Variants in PCDH15 observed in about 807,000 individuals in gnomAD.
PCDH15 encodes protocadherin related 15.
In PCDH15, 129 loss-of-function variants were observed where a neutral mutation model predicts 178.5. That is an observed-to-expected ratio of 0.72 (90% CI 0.63 to 0.84). PCDH15 has a LOEUF of 0.84. PCDH15 is among the 40% of genes least tolerant of loss of function. The probability of loss-of-function intolerance (pLI) is 0.00; values close to 1 mark genes in which losing one functional copy is unlikely to be tolerated. For synonymous variants in PCDH15, 800 were observed against 732.0 expected (o/e 1.09, Z -1.50); for missense variants, 2,230 against 2,099.9 (o/e 1.06, Z -1.21).
chr10:55,621,421 G>A (rs184511223), intron 2 of PCDH15, among the ~76,000 whole-genome samples: 7 of 152,288 alleles, frequency 4.6e-5, no homozygotes, highest in African/African-American at 1.7e-4. Context: ...CCACCCCAGG[G>A]GCTGCAGACC....
chr10:55,011,510 T>G (rs1331383063), intron 2 of PCDH15, among the ~76,000 whole-genome samples: 1 of 152,136 alleles, frequency 6.6e-6, no homozygotes, highest in African/African-American at 2.4e-5. Context: ...CAATCCCTGA[T>G]ACACAGATTT....
intron 3 of PCDH15, among the ~76,000 whole-genome samples, chr10:54,812,353 C>T (rs1265404802): frequency 6.6e-6 from 1 of 151,588 alleles, no homozygotes; most frequent in Non-Finnish European, 1.5e-5. Flanking sequence ...TCATTGCAAC[C>T]TCTGCCTCCT....
chr10:53,952,371 G>C (rs372929950), intron 23 of PCDH15, among the ~76,000 whole-genome samples: 2 of 152,166 alleles, frequency 1.3e-5, no homozygotes, highest in African/African-American at 4.8e-5. Context: ...ATGCAGGCAG[G>C]CTGTCCCGAT....
chr10:54,021,097 T>C (rs2092907113), intron 19 of PCDH15, among the ~76,000 whole-genome samples: 1 of 151,876 alleles, frequency 6.6e-6, no homozygotes, highest in African/African-American at 2.4e-5. Flanking sequence ...AAGACACAAA[T>C]ACTAAAATAG....
chr10:54,352,035 G>A (rs1207214538), intron 5 of PCDH15, among the ~76,000 whole-genome samples: 16 of 152,134 alleles, frequency 1.1e-4, no homozygotes, highest in Non-Finnish European at 2.1e-4. Context: ...ATATATATTT[G>A]GTGATTAGAA....
intron 2 of PCDH15, among the ~76,000 whole-genome samples, chr10:55,350,585 C>T (rs1844898601): frequency 6.6e-6 from 1 of 151,798 alleles, no homozygotes; most frequent in Non-Finnish European, 1.5e-5. Flanking sequence ...CACTTCTAGA[C>T]ATCAAGTGTT....
chr10:54,714,965 T>C (rs1355921265), intron 1 of PCDH15, among the ~76,000 whole-genome samples: 1 of 152,122 alleles, frequency 6.6e-6, no homozygotes, highest in Non-Finnish European at 1.5e-5. Context: ...GAAAGTGTAT[T>C]CTTAAAAAGT....
chr10:54,184,525 C>T (rs1040555532), intron 12 of PCDH15, among the ~76,000 whole-genome samples: 20 of 151,924 alleles, frequency 1.3e-4, no homozygotes, highest in African/African-American at 4.4e-4. Flanking sequence ...ATAACCTTTA[C>T]TTTTTTTCCC....
chr10:55,593,748 G>A (rs1404634081), intron 2 of PCDH15, among the ~76,000 whole-genome samples: 3 of 151,640 alleles, frequency 2.0e-5, no homozygotes, highest in Non-Finnish European at 3.0e-5. Context: ...AATTTTCACC[G>A]AAGCATTGAA....
intron 1 of PCDH15, among the ~76,000 whole-genome samples, chr10:55,185,690 T>G (rs914324131): frequency 6.6e-6 from 1 of 151,770 alleles, no homozygotes; most frequent in East Asian, 1.9e-4. Flanking sequence ...CAGTGTTTTG[T>G]TTTCTATGCA....
intron 17 of PCDH15, among the ~76,000 whole-genome samples, chr10:54,075,481 T>C (rs913841605): frequency 6.6e-6 from 1 of 152,206 alleles, no homozygotes; most frequent in South Asian, 2.1e-4. Flanking sequence ...TTATTCTGTG[T>C]CTTTGACACC....
At chr10:53,998,367 C>T (rs1280013770) in intron 20 of PCDH15, among the ~76,000 whole-genome samples, 1 of 152,020 alleles carries the variant, frequency 6.6e-6, no homozygotes, top group Non-Finnish European at 1.5e-5. Flanking sequence ...AATGGTTATA[C>T]TCATAAAGCC....
At chr10:54,094,346 A>G (rs1422138477) in intron 15 of PCDH15, among the ~76,000 whole-genome samples, 2 of 152,202 alleles carry the variant, frequency 1.3e-5, no homozygotes, top group Admixed American at 6.5e-5. Flanking sequence ...AATATTTCAC[A>G]AAGGACATAT....
At chr10:55,016,567 G>A (rs76063108) in intron 2 of PCDH15, among the ~76,000 whole-genome samples, 1,754 of 152,154 alleles carry the variant, frequency 0.012, 31 homozygotes, top group African/African-American at 0.04. Context: ...AAACATTTTT[G>A]CAAATGACAA....
chr10:55,555,574 A>G (rs542398509), intron 2 of PCDH15, among the ~76,000 whole-genome samples: 3 of 152,254 alleles, frequency 2.0e-5, no homozygotes, highest in African/African-American at 7.2e-5. Flanking sequence ...TTAAAGAAGG[A>G]GAAACAAGTA....
rs558224212 is a variant in PCDH15, at chr10:53,822,916, T to C, written c.4368-2686A>G. ...GTGTTTTCATTTTCAGCTTTCTGCC[T>C]GGTGCCTTGCCACTGCTGCAGATCT... On this transcript the variant is annotated intron_variant, in intron 32 of 37. Coordinates refer to ENST00000644397, the MANE Select transcript of PCDH15 (RefSeq NM_001384140.1). 58 of 1,614,180 alleles carry C rather than the reference T, an allele frequency of 3.6e-5. No homozygotes were observed. In the Middle Eastern group the frequency reaches 6.6e-4, roughly 18 times the overall value.
At chr10:54,603,121 T>C (rs2092609575) in intron 2 of PCDH15, among the ~76,000 whole-genome samples, 1 of 152,060 alleles carries the variant, frequency 6.6e-6, no homozygotes, top group African/African-American at 2.4e-5. Flanking sequence ...GGATGTATCT[T>C]TCTAGGAATT....
chr10:55,165,954 C>A (rs990592759), intron 2 of PCDH15, among the ~76,000 whole-genome samples: 1 of 152,076 alleles, frequency 6.6e-6, no homozygotes, highest in East Asian at 1.9e-4. Flanking sequence ...TATAATACCA[C>A]TAAAATACAA....
intron 2 of PCDH15, among the ~76,000 whole-genome samples, chr10:54,992,945 T>C (rs918897639): frequency 6.6e-6 from 1 of 152,102 alleles, no homozygotes; most frequent in African/African-American, 2.4e-5. Flanking sequence ...TGCTGCTCTT[T>C]ATAGAATTGG....
Sources: allele counts gnomAD v4.1 joint callset (sites outside exome capture counted in the v4.1 genomes callset), GRCh38; gene constraint gnomAD v4.1.1; transcripts MANE v1.5; gene names NCBI Gene and HGNC (gene_info 2026-07-23, HGNC 2026-07-21).